The following ITPRID1 variants were observed in gnomAD, a reference collection of about 807,000 sequenced individuals.
ITPRID1 encodes the protein protein ITPRID1.
ITPRID1 carries 96 observed loss-of-function variants against 95.4 expected under a neutral mutation model. The observed-to-expected ratio is 1.01, with a 90% CI of 0.85 to 1.19. The LOEUF (loss-of-function observed/expected upper bound fraction) is 1.19. Ranked by LOEUF, ITPRID1 falls within the 50% of genes most tolerant of loss-of-function variation. ITPRID1 has a pLI of 0.00. For missense variants in ITPRID1, 1,339 were observed against 1,252.9 expected, an observed-to-expected ratio of 1.07 and a Z score of -1.04; for synonymous variants, 510 against 453.6, an observed-to-expected ratio of 1.12 and a Z score of -1.58.
intron 12 of ITPRID1, among the ~76,000 whole-genome samples, chr7:31,648,270 T>C (rs970978238): frequency 4.6e-5 from 7 of 152,128 alleles, no homozygotes; most frequent in African/African-American, 1.7e-4. Context: ...TGGGTTTGGG[T>C]CAGTAGAGCA....
chr7:31,655,833 G>A lies in ITPRID1; in HGVS notation c.*3004G>A. The A allele has an allele frequency of 5.1e-6, 5 of 985,574 alleles. No individual in the cohort carries two copies. Among genetic ancestry groups the A allele is most frequent in the Non-Finnish European group, 6.0e-6 (5 of 830,020 alleles). 61.1% of individuals were successfully genotyped at this position (985,574 alleles called of 1,614,324 possible). ...CATGTAGACTCCGAGCTCTCCTGCA[G>A]TTTCTTCCTTGCTCCTTCCCTGTAA... On this transcript the variant is annotated 3_prime_UTR_variant, in exon 15 of 15. Coordinates refer to ENST00000615280, the MANE Select transcript of ITPRID1 (RefSeq NM_001257967.3).
chr7:31,614,284 T>C (rs1787013896), intron 10 of ITPRID1, among the ~76,000 whole-genome samples: 1 of 152,156 alleles, frequency 6.6e-6, no homozygotes, highest in Admixed American at 6.5e-5. Flanking sequence ...AATTATGCTT[T>C]ACAGGGGAAG....
intron 10 of ITPRID1, among the ~76,000 whole-genome samples, chr7:31,586,806 C>T (rs562473648): frequency 0.023 from 3,433 of 149,822 alleles, 99 homozygotes; most frequent in African/African-American, 0.076. Flanking sequence ...TTCACTCTGA[C>T]GGTAGTTTCT....
chr7:31,645,432 A>G (rs1272353120), intron 12 of ITPRID1, among the ~76,000 whole-genome samples: 1 of 152,206 alleles, frequency 6.6e-6, no homozygotes, highest in Non-Finnish European at 1.5e-5. Context: ...TTGAACAGGT[A>G]AGAGAAAGCT....
intron 11 of ITPRID1, 54 bp downstream of exon 11, chr7:31,642,312 C>A: frequency 1.6e-6 from 2 of 1,217,884 alleles, no homozygotes; most frequent in South Asian, 1.4e-5. Flanking sequence ...CCCACTTCAG[C>A]CCTATCAACC....
At chr7:31,533,030 G>A (rs1455343025) in intron 1 of ITPRID1, among the ~76,000 whole-genome samples, 2 of 152,066 alleles carry the variant, frequency 1.3e-5, no homozygotes, top group Non-Finnish European at 2.9e-5. Context: ...ACAAGGAATT[G>A]AAAATATTTT....
Position 31,631,924 on chromosome 7 carries a change from T to C in ITPRID1, c.1229-10252T>C, listed in dbSNP as rs140259679. On this transcript the variant is annotated intron_variant, in intron 10 of 14. Coordinates refer to ENST00000615280, the MANE Select transcript of ITPRID1 (RefSeq NM_001257967.3). ...AGAGTCAAGATATATACAAGCTCCGTGATGGCAGGTACCTTTGATGACGCC... is the reference window on the plus strand; with the variant it reads ...AGAGTCAAGATATATACAAGCTCCGCGATGGCAGGTACCTTTGATGACGCC... Among the ~76,000 whole-genome samples the C allele has an allele frequency of 2.9e-3, 441 of 152,282 alleles. 1 individual carries two copies. The highest frequency in any genetic ancestry group is 0.01 in the African/African-American group (420 of 41,556).
Position 31,554,393 on chromosome 7 carries a change from T to C in ITPRID1, c.164-82T>C, listed in dbSNP as rs1784380513. Reference sequence around the variant, plus strand: ...GACTAAATATGTGGGAAATAGTGACTGAGTGGCGGCTGAGTAAACAGGGTA... The same window carrying C: ...GACTAAATATGTGGGAAATAGTGACCGAGTGGCGGCTGAGTAAACAGGGTA... On this transcript the variant is annotated intron_variant, in intron 3 of 14. Transcript: ENST00000615280. The C allele has an allele frequency of 1.1e-5, 17 of 1,532,222 alleles. No homozygotes were observed. In the South Asian group the frequency reaches 2.0e-4, roughly 18 times the overall value. The allele number at this position is 1,532,222 out of a possible 1,614,324, so 94.9% of individuals were successfully genotyped here.
chr7:31,628,223 C>T (rs1788654135), intron 10 of ITPRID1, among the ~76,000 whole-genome samples: 1 of 152,166 alleles, frequency 6.6e-6, no homozygotes, highest in African/African-American at 2.4e-5. Context: ...CTTCAATCTC[C>T]TACTCCTACC....
At chr7:31,631,752 A>C (rs1789019463) in intron 10 of ITPRID1, among the ~76,000 whole-genome samples, 1 of 152,222 alleles carries the variant, frequency 6.6e-6, no homozygotes, top group Non-Finnish European at 1.5e-5. Flanking sequence ...GAGAGTGCTA[A>C]TGGAAGTAAT....
intron 7 of ITPRID1, among the ~76,000 whole-genome samples, chr7:31,573,058 T>C (rs1167559979): frequency 6.6e-6 from 1 of 152,238 alleles, no homozygotes; most frequent in Non-Finnish European, 1.5e-5. Context: ...TCTGTGTCAG[T>C]GTAATCAAGT....
intron 5 of ITPRID1, among the ~76,000 whole-genome samples, chr7:31,565,593 C>T (rs1784771050): frequency 6.6e-6 from 1 of 152,042 alleles, no homozygotes; most frequent in Non-Finnish European, 1.5e-5. Flanking sequence ...AAAAAATTAG[C>T]CAGGCGTTGT....
chr7:31,552,144 G>A (rs1014306127), intron 2 of ITPRID1, among the ~76,000 whole-genome samples: 2 of 143,060 alleles, frequency 1.4e-5, no homozygotes, highest in African/African-American at 4.9e-5. Flanking sequence ...TAGTTTTACA[G>A]GTTGTTCATG....
chr7:31,535,236 T>C (rs1229480882), intron 1 of ITPRID1, among the ~76,000 whole-genome samples: 2 of 152,166 alleles, frequency 1.3e-5, no homozygotes, highest in East Asian at 3.8e-4. Context: ...TATATTGTAC[T>C]ATTTCACAAT....
At chr7:31,529,870 T>C in intron 1 of ITPRID1, 1 of 1,419,424 alleles carries the variant, frequency 7.0e-7, no homozygotes, top group Non-Finnish European at 9.6e-7. Context: ...ATCCAGCCTG[T>C]TGGGGAGGGG....
At chr7:31,633,348 A>G (rs1180363617) in intron 10 of ITPRID1, among the ~76,000 whole-genome samples, 1 of 152,176 alleles carries the variant, frequency 6.6e-6, no homozygotes, top group Non-Finnish European at 1.5e-5. Flanking sequence ...CGAATTTCCT[A>G]AAACGTATGA....
At chr7:31,599,891 G>T (rs1786317066) in intron 10 of ITPRID1, among the ~76,000 whole-genome samples, 1 of 151,794 alleles carries the variant, frequency 6.6e-6, no homozygotes, top group African/African-American at 2.4e-5. Context: ...GTGGAGACGG[G>T]GTTTCACTAT....
At position 31,574,168 on chromosome 7, in the gene ITPRID1, A is replaced by ATT. The variant is rs34822604; in HGVS notation, c.396-360_396-359dup. ...AGTCTACTGTTTACAGTTTTGTGGG[A>ATT]TTTTTTTTTTTTTCTGTTTCATTTC... On this transcript the variant is annotated intron_variant, in intron 7 of 14. Transcript: ENST00000615280. 2.5e-3 allele frequency among the ~76,000 whole-genome samples: 361 copies of ATT among 145,930 alleles called. 3 individuals are homozygous for ATT. The highest frequency in any genetic ancestry group is 0.011 in the Middle Eastern group (3 of 274).
At chr7:31,619,561 G>A (rs182193747) in intron 10 of ITPRID1, among the ~76,000 whole-genome samples, 66 of 151,878 alleles carry the variant, frequency 4.3e-4, no homozygotes, top group African/African-American at 1.6e-3. Flanking sequence ...CATCTATGCT[G>A]AGGAAATCAA....
Sources: gnomAD v4.1 joint callset for allele counts (sites outside exome capture counted in the v4.1 genomes callset) on GRCh38, gnomAD v4.1.1 for gene constraint, MANE v1.5 for transcripts, NCBI Gene and HGNC (gene_info 2026-07-23, HGNC 2026-07-21) for gene names.